The following IGF2 variants were observed in gnomAD, a reference collection of about 807,000 sequenced individuals.
The protein encoded by IGF2 is insulin like growth factor 2.
IGF2 carries 2 observed loss-of-function variants against 12.0 expected under a neutral mutation model. The ratio of observed to expected loss-of-function variants is 0.17; its 90% confidence interval spans 0.07 to 0.52. The LOEUF (loss-of-function observed/expected upper bound fraction) is 0.52, where lower values mean the gene tolerates loss of function less well. IGF2 is among the 20% of genes least tolerant of loss of function. The pLI, the probability that IGF2 is intolerant of heterozygous loss-of-function variation, is 0.95. For missense variants in IGF2, 211 were observed against 268.0 expected (o/e 0.79, Z 1.48); for synonymous variants, 105 against 110.1 (o/e 0.95, Z 0.29).
chr11:2,129,250 A>G lies in IGF2; in HGVS notation c.*3737T>C, dbSNP rs1858371710. 1 of 205,522 alleles carries G rather than the reference A, an allele frequency of 4.9e-6. No homozygotes were observed. Among genetic ancestry groups the G allele is most frequent in the Non-Finnish European group, 9.9e-6 (1 of 100,560 alleles). The allele number at this position is 205,522 out of a possible 1,614,324, so 12.7% of individuals were successfully genotyped here. ...CAAACACGGGCCGCAAGGTGGACCG[A>G]GGCGGCAGGCACAGGTGACATTCAG... On this transcript the variant is annotated 3_prime_UTR_variant, in exon 4 of 4. Transcript: ENST00000416167. The surrounding 1 kb of genome is among the most constrained non-coding windows in gnomAD (Gnocchi z 8.1).
Position 2,133,703 on chromosome 11 carries a change from C to CCG in IGF2, c.158-40_158-39dup. 6.2e-7 allele frequency: 1 copy of CCG among 1,607,928 alleles called. No individual in the cohort carries two copies. Among genetic ancestry groups the CCG allele is most frequent in the African/African-American group, 1.3e-5 (1 of 74,886 alleles). On this transcript the variant is annotated intron_variant, in intron 2 of 3. Coordinates refer to ENST00000416167, the MANE Select transcript of IGF2 (RefSeq NM_000612.6). The surrounding 1 kb of genome is among the most constrained non-coding windows in gnomAD (Gnocchi z 8.9). ...CAGCACAGAGAGAGCCGTGTTAGCA[C>CCG]CGCACTGACCCCAGCCCCCGGAGGC... is the stretch of plus-strand genomic sequence containing the variant.
In IGF2 at chr11:2,138,766, G is replaced by T. The variant is rs1019910464; in HGVS notation, c.-544C>A. ...CGGGAGGGAGCGAAGGGAAGGTTGCGGGAGAAAGAGCGGGGGCCGGGGCCA... is the reference window on the plus strand; with the variant it reads ...CGGGAGGGAGCGAAGGGAAGGTTGCTGGAGAAAGAGCGGGGGCCGGGGCCA... On this transcript the variant is annotated 5_prime_UTR_variant, in exon 1 of 4. Transcript: ENST00000416167. 1.1e-6 allele frequency: 1 copy of T among 942,074 alleles called. No homozygotes were observed. The allele number at this position is 942,074 out of a possible 1,614,324, so 58.4% of individuals were successfully genotyped here. A position where few individuals can be genotyped will look rare whatever the true frequency, so the allele number is the denominator to read the frequency against.
chr11:2,140,699 C>A, upstream of IGF2: 1 of 452,960 alleles, frequency 2.2e-6, no homozygotes, highest in Non-Finnish European at 4.3e-6. Context: ...CGAGCGCAGC[C>A]GCCAGCCGCA....
In IGF2 at chr11:2,138,937, T is replaced by C. The variant is rs570898445; in HGVS notation, c.-715A>G. On this transcript the variant is annotated 5_prime_UTR_variant, in exon 1 of 4. Coordinates refer to ENST00000416167, the MANE Select transcript of IGF2 (RefSeq NM_000612.6). ...CTCGGTTTGGGCCGACGGAGCCCTC[T>C]GCCGTCGCGAGCCCGGGCCTCGGGA... The C allele has an allele frequency of 4.2e-3, 4,123 of 982,850 alleles. 108 individuals carry two copies. In the African/African-American group the frequency reaches 0.064, roughly 15 times the overall value. 60.9% of individuals were successfully genotyped at this position (982,850 alleles called of 1,614,324 possible). A position where few individuals can be genotyped will look rare whatever the true frequency, so the allele number is the denominator to read the frequency against.
At position 2,135,432 on chromosome 11, in the gene IGF2, G is replaced by T; in HGVS notation, c.92C>A (p.Thr31Asn). 6.2e-7 allele frequency: 1 copy of T among 1,613,802 alleles called. No homozygotes were observed. The highest frequency in any genetic ancestry group is 8.5e-7 in the Non-Finnish European group (1 of 1,180,000). Residue 31 changes from threonine (T) to asparagine (N), a missense_variant, in exon 2 of 4, where the codon ACC becomes AAC. Physicochemically the swap from Thr to Asn is moderately conservative, Grantham distance 65. This residue lies in a region of IGF2 where 30 missense variants were observed against 79.2 expected (regional missense o/e 0.38). Transcript: ENST00000416167. ...CCIAAYRPSE[T>N]LCGGELVDTL... is the part of the protein sequence containing the mutation. ...GTCCACCAGCTCCCCGCCGCACAGG[G>T]TCTCACTGGGGCGGTAAGCAGCAAT... is the stretch of plus-strand genomic sequence containing the variant.
At position 2,133,709 on chromosome 11, in the gene IGF2, T is replaced by C. The variant is rs772448746; in HGVS notation, c.158-44A>G. 6.2e-7 allele frequency: 1 copy of C among 1,606,288 alleles called. No individual in the cohort carries two copies. The highest frequency in any genetic ancestry group is 8.5e-7 in the Non-Finnish European group (1 of 1,177,150). On this transcript the variant is annotated intron_variant, in intron 2 of 3. Transcript: ENST00000416167. This position sits in a 1 kb window ranked among gnomAD's most constrained non-coding sequence, Gnocchi z 8.9. ...AGAGAGAGCCGTGTTAGCACCGCAC[T>C]GACCCCAGCCCCCGGAGGCTGAAGG...
rs1351491771 is a variant in IGF2, at chr11:2,139,038, C to CG, written c.-817dup. 24 of 352,178 alleles carry CG rather than the reference C, an allele frequency of 6.8e-5. No individual in the cohort carries two copies. The highest frequency in any genetic ancestry group is 7.1e-5 in the Non-Finnish European group (22 of 308,872). 21.8% of individuals were successfully genotyped at this position (352,178 alleles called of 1,614,324 possible). On this transcript the variant is annotated 5_prime_UTR_variant, in exon 1 of 4. Transcript: ENST00000416167. ...AGGGGAGCGGCCCGAGGCTGCGCGC[C>CG]GGGGGGAGGGCTGGAGGGGGAGCGC...
At chr11:2,138,028 G>A (rs929563243) in intron 1 of IGF2, among the ~76,000 whole-genome samples, 42 of 152,150 alleles carry the variant, frequency 2.8e-4, no homozygotes, top group African/African-American at 9.9e-4. Context: ...CGCCGCCAGG[G>A]TGAGCGCGGG....
the IGF2 span, chr11:2,146,502 G>A: frequency 2.2e-6 from 1 of 456,126 alleles, no homozygotes; most frequent in Non-Finnish European, 4.5e-6. Context: ...CCACCCCAAG[G>A]CTGCTCAATC....
chr11:2,135,684 C>T (rs1858961868), intron 1 of IGF2, among the ~76,000 whole-genome samples, 155 bp from the exon 2 acceptor site: 1 of 152,240 alleles, frequency 6.6e-6, no homozygotes, highest in Non-Finnish European at 1.5e-5. Flanking sequence ...AAAAGTAACA[C>T]ACAGGTCATA....
chr11:2,135,894 A>G (rs1288405036), intron 1 of IGF2, among the ~76,000 whole-genome samples: 1 of 152,154 alleles, frequency 6.6e-6, no homozygotes, highest in African/African-American at 2.4e-5. Flanking sequence ...CCTCCGTCCT[A>G]TGACACCATG....
chr11:2,136,706 C>A (rs1275967961), intron 1 of IGF2, among the ~76,000 whole-genome samples: 2 of 152,266 alleles, frequency 1.3e-5, no homozygotes, highest in African/African-American at 4.8e-5. Context: ...GGCAGCTGCG[C>A]CGAGGATCTG....
chr11:2,133,320 A>C lies in IGF2; in HGVS notation c.307-97T>G. 9.6e-7 allele frequency: 1 copy of C among 1,041,014 alleles called. No individual in the cohort carries two copies. Among genetic ancestry groups the C allele is most frequent in the Non-Finnish European group, 1.4e-6 (1 of 723,884 alleles). The allele number at this position is 1,041,014 out of a possible 1,614,324, so 64.5% of individuals were successfully genotyped here. ...TGACAGGCCACCCCTGTGACTGATC[A>C]GTGACTTGAGCTAATGTCCACGGGC... On this transcript the variant is annotated intron_variant, in intron 3 of 3. Coordinates refer to ENST00000416167, the MANE Select transcript of IGF2 (RefSeq NM_000612.6). The surrounding 1 kb of genome is among the most constrained non-coding windows in gnomAD (Gnocchi z 8.9).
In IGF2 at chr11:2,132,997, T is replaced by C. The variant is rs1421347729; in HGVS notation, c.533A>G (p.Asn178Ser). Reference sequence around the variant, plus strand: ...TTGCGGCAGTTTTGCTCACTTCCGATTGCTGGCCATCTCTGGGGGGGCGCC... The same window carrying C: ...TTGCGGCAGTTTTGCTCACTTCCGACTGCTGGCCATCTCTGGGGGGGCGCC... ...HGGAPPEMASNRK is the reference protein window; with the variant it reads ...HGGAPPEMASSRK Residue 178 changes from asparagine (N) to serine (S), a missense_variant, in exon 4 of 4, where the codon AAT becomes AGT. By Grantham distance (46) the Asn-to-Ser change is conservative (BLOSUM62 1). Coordinates refer to ENST00000416167, the MANE Select transcript of IGF2 (RefSeq NM_000612.6). 5 of 1,530,366 alleles carry C rather than the reference T, an allele frequency of 3.3e-6. No individual in the cohort carries two copies. The highest frequency in any genetic ancestry group is 4.4e-6 in the Non-Finnish European group (5 of 1,138,942). 94.8% of individuals were successfully genotyped at this position (1,530,366 alleles called of 1,614,324 possible).
upstream of IGF2, among the ~76,000 whole-genome samples, chr11:2,141,651 T>C (rs1012484632): frequency 1.3e-5 from 2 of 152,138 alleles, no homozygotes. Context: ...CTGAGATTAA[T>C]TTTCACATCT....
At chr11:2,135,637 G>C in intron 1 of IGF2, 108 bp from the exon 2 acceptor site, 1 of 902,262 alleles carries the variant, frequency 1.1e-6, no homozygotes, top group Non-Finnish European at 1.7e-6. Flanking sequence ...GTTGAAAATT[G>C]AAAGCACGGC....
intron 1 of IGF2, chr11:2,137,106 G>T: frequency 2.3e-6 from 1 of 432,144 alleles, no homozygotes; most frequent in Non-Finnish European, 3.1e-6. Context: ...CCGAGGCCCA[G>T]GCGTGGGCCG....
At position 2,129,328 on chromosome 11, in the gene IGF2, G is replaced by GC. The variant is rs951609236; in HGVS notation, c.*3658dup. 1.6e-4 allele frequency: 36 copies of GC among 219,536 alleles called. No individual in the cohort carries two copies. The highest frequency in any genetic ancestry group is 6.1e-4 in the African/African-American group (27 of 44,580). 13.6% of individuals were successfully genotyped at this position (219,536 alleles called of 1,614,324 possible). ...GGCAGAGGAGGGGACCCAAGAGGGG[G>GC]CCCCCCACTGAAGACATTGGGGACA... is the stretch of plus-strand genomic sequence containing the variant. On this transcript the variant is annotated 3_prime_UTR_variant, in exon 4 of 4. Coordinates refer to ENST00000416167, the MANE Select transcript of IGF2 (RefSeq NM_000612.6). This position sits in a 1 kb window ranked among gnomAD's most constrained non-coding sequence, Gnocchi z 8.1.
intron 1 of IGF2, among the ~76,000 whole-genome samples, chr11:2,137,763 C>T (rs985592227): frequency 3.3e-5 from 5 of 152,216 alleles, no homozygotes; most frequent in Non-Finnish European, 7.3e-5. Flanking sequence ...AACTCGGCCC[C>T]TCTCCATCCT....
Sources: gnomAD v4.1 joint callset for allele counts (sites outside exome capture counted in the v4.1 genomes callset) on GRCh38, gnomAD v4.1.1 for gene constraint, gnomAD v4.1.1 regional missense constraint, Gnocchi (gnomAD v3.1) non-coding constraint, MANE v1.5 for transcripts, NCBI Gene and HGNC (gene_info 2026-07-23, HGNC 2026-07-21) for gene names.